Variants in LRRC37A2 observed in about 807,000 individuals in gnomAD.
The protein encoded by LRRC37A2 is leucine-rich repeat-containing protein 37A2.
A neutral mutation model predicts 68.8 loss-of-function variants in LRRC37A2; 9 were observed. The observed-to-expected ratio is 0.13, with a 90% CI of 0.08 to 0.23. The LOEUF (loss-of-function observed/expected upper bound fraction) is 0.23, where lower values mean the gene tolerates loss of function less well. LRRC37A2 is among the 10% of genes least tolerant of loss of function. LRRC37A2 has a pLI of 1.00. For synonymous variants in LRRC37A2, 63 were observed against 367.6 expected (o/e 0.17, Z 9.48); for missense variants, 168 against 950.4 (o/e 0.18, Z 10.82).
chr17:46,969,696 C>T, the LRRC37A2 span, among the ~76,000 whole-genome samples: 1 of 152,300 alleles, frequency 6.6e-6, no homozygotes, highest in Admixed American at 6.5e-5. Context: ...GAAGAGTTCA[C>T]GGGAATCAAA....
chr17:47,008,687 C>T, the LRRC37A2 span, among the ~76,000 whole-genome samples: 1 of 151,506 alleles, frequency 6.6e-6, no homozygotes, highest in Non-Finnish European at 1.5e-5. Context: ...ACAATATTGG[C>T]CAGGCTGGTC....
the LRRC37A2 span, among the ~76,000 whole-genome samples, chr17:46,806,470 A>G: frequency 3.3e-4 from 50 of 151,994 alleles, no homozygotes; most frequent in East Asian, 7.9e-3. Context: ...TTGTCCCCCA[A>G]AGTGCCGGGG....
chr17:46,872,186 AC>A, the LRRC37A2 span, among the ~76,000 whole-genome samples: 2 of 152,132 alleles, frequency 1.3e-5, no homozygotes, highest in Non-Finnish European at 2.9e-5. Context: ...AAACCAATAG[AC>A]CCAGAATTGC....
the LRRC37A2 span, among the ~76,000 whole-genome samples, chr17:46,912,595 C>A: frequency 6.6e-6 from 1 of 152,208 alleles, no homozygotes; most frequent in Non-Finnish European, 1.5e-5. Flanking sequence ...CTGCAGCACC[C>A]GGGGCAACAT....
chr17:46,779,103 A>ACACACACACACACACCCCC, the LRRC37A2 span, among the ~76,000 whole-genome samples: 2 of 133,660 alleles, frequency 1.5e-5, no homozygotes, highest in Admixed American at 7.8e-5. Context: ...ACACACACAC[A>ACACACACACACACACCCCC]CCCCAGCCCA....
chr17:47,017,863 C>T, the LRRC37A2 span: 1 of 1,611,604 alleles, frequency 6.2e-7, no homozygotes, highest in Non-Finnish European at 8.5e-7. Context: ...GAGCCCGAAA[C>T]TCAAAATCCA....
intron 8 of LRRC37A2, among the ~76,000 whole-genome samples, chr17:46,543,080 A>G (rs2055683592): frequency 6.7e-6 from 1 of 149,898 alleles, no homozygotes; most frequent in Non-Finnish European, 1.5e-5. Context: ...GTTCTCTAAG[A>G]TAGTGAGGAT....
the LRRC37A2 span, among the ~76,000 whole-genome samples, chr17:46,789,587 G>C: frequency 2.3e-3 from 187 of 81,418 alleles, no homozygotes; most frequent in African/African-American, 9.1e-3. Flanking sequence ...AGCTTTGAGA[G>C]GTAACCTCTC....
At chr17:46,778,659 T>G in the LRRC37A2 span, among the ~76,000 whole-genome samples, 266 of 152,318 alleles carry the variant, frequency 1.7e-3, no homozygotes, top group Non-Finnish European at 2.7e-3. Context: ...GTGACTCTCA[T>G]GCTCCTCGAT....
At chr17:46,801,401 C>T in the LRRC37A2 span, among the ~76,000 whole-genome samples, 2 of 151,260 alleles carry the variant, frequency 1.3e-5, no homozygotes, top group East Asian at 1.9e-4. Flanking sequence ...GGGCACATCA[C>T]CTGAGGTCAG....
chr17:46,749,831 A>C, the LRRC37A2 span: 3 of 1,614,126 alleles, frequency 1.9e-6, no homozygotes, highest in Non-Finnish European at 2.5e-6. Context: ...CAGGAGATGG[A>C]AATGCTTAAC....
the LRRC37A2 span, among the ~76,000 whole-genome samples, chr17:47,000,965 G>A: frequency 6.6e-6 from 1 of 152,056 alleles, no homozygotes; most frequent in Non-Finnish European, 1.5e-5. Flanking sequence ...GTAAAACCCC[G>A]TCTCTACTAA....
the LRRC37A2 span, chr17:46,931,908 A>G: frequency 1.4e-6 from 1 of 707,196 alleles, no homozygotes; most frequent in Non-Finnish European, 2.5e-6. Flanking sequence ...GACTTTCAAC[A>G]TCGTTGATCA....
the LRRC37A2 span, among the ~76,000 whole-genome samples, chr17:47,038,010 G>C: frequency 2.4e-4 from 37 of 151,852 alleles, no homozygotes; most frequent in African/African-American, 9.0e-4. Context: ...TAATAATTTG[G>C]TCTTCTGTAT....
chr17:47,012,127 C>A, the LRRC37A2 span, among the ~76,000 whole-genome samples: 1 of 152,168 alleles, frequency 6.6e-6, no homozygotes, highest in Non-Finnish European at 1.5e-5. Context: ...TATTTTCCAA[C>A]TTCATGACTT....
the LRRC37A2 span, among the ~76,000 whole-genome samples, chr17:46,982,177 G>A: frequency 3.9e-5 from 6 of 152,238 alleles, no homozygotes; most frequent in Non-Finnish European, 8.8e-5. Context: ...AGAACAGGGA[G>A]TCCAGCAGGT....
At chr17:46,896,809 C>A in the LRRC37A2 span, among the ~76,000 whole-genome samples, 1 of 152,272 alleles carries the variant, frequency 6.6e-6, no homozygotes, top group Non-Finnish European at 1.5e-5. Flanking sequence ...TGGATTCCAG[C>A]GCCCAAGCAG....
At chr17:46,987,206 G>A in the LRRC37A2 span, among the ~76,000 whole-genome samples, 1 of 152,118 alleles carries the variant, frequency 6.6e-6, no homozygotes, top group Non-Finnish European at 1.5e-5. Flanking sequence ...TGGTGCCACT[G>A]CACTCCAGCC....
chr17:46,873,513 G>T, the LRRC37A2 span, among the ~76,000 whole-genome samples: 1 of 152,286 alleles, frequency 6.6e-6, no homozygotes. Context: ...ACAGCTCCGG[G>T]TGGGTCTCCC....
Sources: allele counts gnomAD v4.1 joint callset (sites outside exome capture counted in the v4.1 genomes callset), GRCh38; gene constraint gnomAD v4.1.1; transcripts MANE v1.5; gene names NCBI Gene and HGNC (gene_info 2026-07-23, HGNC 2026-07-21).